The following PTPRN2 variants were observed in gnomAD, a reference collection of about 807,000 sequenced individuals.
The protein encoded by PTPRN2 is protein tyrosine phosphatase receptor type N2.
Under a neutral mutation model 118.8 loss-of-function variants are expected in PTPRN2, and 74 were observed. That is an observed-to-expected ratio of 0.62 (90% confidence interval 0.52 to 0.76). PTPRN2 has a LOEUF of 0.76. Among genes scored for constraint, PTPRN2 ranks in the 30% least tolerant of loss-of-function variants. The pLI is 0.00. For missense variants in PTPRN2, 1,481 were observed against 1,394.4 expected (o/e 1.06, Z -0.99); for synonymous variants, 641 against 608.0 (o/e 1.05, Z -0.80).
At chr7:158,149,802 T>C (rs1289695444) in intron 6 of PTPRN2, among the ~76,000 whole-genome samples, 2 of 91,616 alleles carry the variant, frequency 2.2e-5, no homozygotes, top group African/African-American at 7.6e-5. Flanking sequence ...AGAGTCCATC[T>C]CAAAAAAAAA....
At chr7:157,998,512 G>A (rs138241831) in intron 11 of PTPRN2, among the ~76,000 whole-genome samples, 2 of 152,254 alleles carry the variant, frequency 1.3e-5, no homozygotes, top group African/African-American at 4.8e-5. Flanking sequence ...AATGTAGACC[G>A]AATAAGCTAC....
chr7:158,416,791 T>A (rs796979565), intron 2 of PTPRN2, among the ~76,000 whole-genome samples: 74 of 152,196 alleles, frequency 4.9e-4, no homozygotes, highest in African/African-American at 1.7e-3. Context: ...AGCAGGGAAG[T>A]GGCTGTGAGG....
At chr7:158,295,674 A>T (rs1800445790) in intron 3 of PTPRN2, among the ~76,000 whole-genome samples, 1 of 149,364 alleles carries the variant, frequency 6.7e-6, no homozygotes, top group African/African-American at 2.5e-5. Flanking sequence ...CTGTCTGCCC[A>T]GACACTGCAC....
At chr7:158,187,100 G>GT (rs1669871199) in intron 5 of PTPRN2, among the ~76,000 whole-genome samples, 1 of 152,026 alleles carries the variant, frequency 6.6e-6, no homozygotes, top group African/African-American at 2.4e-5. Context: ...TGCAGAAGTC[G>GT]TAACGACACC....
chr7:158,146,831 G>A (rs1044749178), intron 6 of PTPRN2, among the ~76,000 whole-genome samples: 1 of 151,986 alleles, frequency 6.6e-6, no homozygotes, highest in Non-Finnish European at 1.5e-5. Flanking sequence ...AAATGTTTTG[G>A]AGGCCAGAGA....
chr7:157,847,331 C>T (rs1294174015), intron 12 of PTPRN2, among the ~76,000 whole-genome samples: 1 of 146,968 alleles, frequency 6.8e-6, no homozygotes, highest in Admixed American at 6.7e-5. Flanking sequence ...GTTTACAGAG[C>T]CCTCTCTCAT....
At chr7:158,298,863 G>A (rs1010854792) in intron 3 of PTPRN2, among the ~76,000 whole-genome samples, 3 of 152,158 alleles carry the variant, frequency 2.0e-5, no homozygotes, top group African/African-American at 7.2e-5. Flanking sequence ...AGACCCAGGG[G>A]TAAAATTCAT....
chr7:158,324,581 C>T lies in PTPRN2; in HGVS notation c.164-7649G>A, dbSNP rs967763620. Among the ~76,000 whole-genome samples the T allele has an allele frequency of 1.4e-3, 211 of 151,848 alleles. 1 individual carries two copies. The highest frequency in any genetic ancestry group is 6.3e-4 in the South Asian group (3 of 4,782). On this transcript the variant is annotated intron_variant, in intron 2 of 22. Transcript: ENST00000389418. ...GTGGCCATGCGCCTCCACCCCATCC[C>T]GTACTGTCTCTCTGCTTGGGCTCAG...
intron 11 of PTPRN2, among the ~76,000 whole-genome samples, chr7:157,921,865 T>C (rs1013764980): frequency 4.6e-5 from 7 of 152,148 alleles, no homozygotes; most frequent in African/African-American, 1.4e-4. Context: ...AACCCTGATG[T>C]AAACCATGGA....
At chr7:158,264,034 C>T (rs569418207) in intron 3 of PTPRN2, among the ~76,000 whole-genome samples, 4 of 152,228 alleles carry the variant, frequency 2.6e-5, no homozygotes, top group African/African-American at 9.6e-5. Flanking sequence ...ACGCTTCCCA[C>T]CTTCATCTTC....
chr7:157,862,293 C>G (rs112752656), intron 12 of PTPRN2, among the ~76,000 whole-genome samples: 8,460 of 152,296 alleles, frequency 0.056, 398 homozygotes, highest in African/African-American at 0.12. Context: ...TATCTTTCTG[C>G]GGAGACAGTT....
rs536662204 is a variant in PTPRN2 at position 158,500,371 on chromosome 7, G to A, written c.113-10586C>T. ...GAGCTCGCTACATTTCCAGTGTGCT[G>A]GGAATTACTACCGTCCACTGTAGAT... On this transcript the variant is annotated intron_variant, in intron 1 of 22. Transcript: ENST00000389418. Among the ~76,000 whole-genome samples the A allele has an allele frequency of 7.9e-5, 12 of 152,258 alleles. No homozygotes were observed. The South Asian group carries it at 2.3e-3, about 29-fold the overall frequency.
chr7:158,318,719 C>T (rs1003234289), intron 2 of PTPRN2, among the ~76,000 whole-genome samples: 39 of 152,370 alleles, frequency 2.6e-4, no homozygotes, highest in Middle Eastern at 6.8e-3. Flanking sequence ...CCTGCAGCTC[C>T]CCGGCCTCTT....
intron 12 of PTPRN2, among the ~76,000 whole-genome samples, chr7:157,875,741 G>A (rs990229121): frequency 5.4e-5 from 8 of 147,362 alleles, no homozygotes; most frequent in African/African-American, 1.0e-4. Context: ...AGGGGGGCAC[G>A]GGGCTGCAGA....
At chr7:158,338,272 T>A (rs1386237953) in intron 2 of PTPRN2, among the ~76,000 whole-genome samples, 1 of 76,432 alleles carries the variant, frequency 1.3e-5, no homozygotes, top group Non-Finnish European at 2.6e-5. Context: ...ACTCTCACCA[T>A]AAGCGCTGAC....
chr7:158,348,831 C>G (rs1807729318), intron 2 of PTPRN2, among the ~76,000 whole-genome samples: 1 of 152,312 alleles, frequency 6.6e-6, no homozygotes, highest in East Asian at 1.9e-4. Flanking sequence ...TCCATCATTA[C>G]CCTCCCTCAG....
Position 157,540,554 on chromosome 7 carries a change from A to G in PTPRN2, c.*160T>C, listed in dbSNP as rs1431800171. ...TCTCTCTTTATTATTGTTTGATTAAACAAAAATACACTTTTAACTGCTAAA... is the reference window on the plus strand; with the variant it reads ...TCTCTCTTTATTATTGTTTGATTAAGCAAAAATACACTTTTAACTGCTAAA... On this transcript the variant is annotated 3_prime_UTR_variant, in exon 23 of 23. Coordinates refer to ENST00000389418, the MANE Select transcript of PTPRN2 (RefSeq NM_002847.5). The G allele has an allele frequency of 2.1e-6, 1 of 486,788 alleles. No homozygotes were observed. The highest frequency in any genetic ancestry group is 4.2e-5 in the Admixed American group (1 of 24,026). The allele number at this position is 486,788 out of a possible 1,614,324, so 30.2% of individuals were successfully genotyped here.
intron 11 of PTPRN2, among the ~76,000 whole-genome samples, chr7:158,062,189 C>T (rs181879297): frequency 8.3e-4 from 127 of 152,374 alleles, no homozygotes; most frequent in Non-Finnish European, 1.4e-3. Flanking sequence ...AGCAGAGGAG[C>T]GTTGGCCCAG....
chr7:158,349,864 G>A (rs1299127494), intron 2 of PTPRN2, among the ~76,000 whole-genome samples: 2 of 151,166 alleles, frequency 1.3e-5, no homozygotes, highest in Non-Finnish European at 3.0e-5. Context: ...TGCTGAGGAT[G>A]GCCCACGTCA....
Sources: gnomAD v4.1 joint callset for allele counts (sites outside exome capture counted in the v4.1 genomes callset) on GRCh38, gnomAD v4.1.1 for gene constraint, MANE v1.5 for transcripts, NCBI Gene and HGNC (gene_info 2026-07-23, HGNC 2026-07-21) for gene names.